HS3ST3A1: variants seen among roughly 807,000 people sequenced by gnomAD.
HS3ST3A1 encodes heparan sulfate glucosamine 3-O-sulfotransferase 3A1.
A neutral mutation model predicts 25.7 loss-of-function variants in HS3ST3A1; 19 were observed. The observed-to-expected ratio is 0.74, with a 90% CI of 0.52 to 1.08. HS3ST3A1 has a LOEUF of 1.08. Ranked by LOEUF, HS3ST3A1 falls within the 50% of genes least tolerant of loss-of-function variation. The pLI, the probability that HS3ST3A1 is intolerant of heterozygous loss-of-function variation, is 0.00. For synonymous variants in HS3ST3A1, 226 were observed against 278.6 expected (o/e 0.81, Z 1.88); for missense variants, 459 against 594.3 (o/e 0.77, Z 2.37).
chr17:13,516,654 T>C (rs1438662725), intron 1 of HS3ST3A1, among the ~76,000 whole-genome samples: 2 of 152,252 alleles, frequency 1.3e-5, no homozygotes, highest in Non-Finnish European at 2.9e-5. Context: ...GAGATCTTGA[T>C]GTTTCATTTG....
intron 1 of HS3ST3A1, among the ~76,000 whole-genome samples, chr17:13,533,445 G>A (rs1906672678): frequency 6.7e-6 from 1 of 149,508 alleles, no homozygotes; most frequent in Admixed American, 6.7e-5. Flanking sequence ...TGTTTTCAAT[G>A]AGTTCCCAGA....
chr17:13,599,793 T>C (rs1319955748), intron 1 of HS3ST3A1, among the ~76,000 whole-genome samples: 1 of 152,244 alleles, frequency 6.6e-6, no homozygotes, highest in Non-Finnish European at 1.5e-5. Flanking sequence ...CTTCTTTTAA[T>C]TGGCTACCTT....
At position 13,599,629 on chromosome 17, in the gene HS3ST3A1, C is replaced by T. The variant is rs74333966; in HGVS notation, c.599+902G>A. 3.4e-3 allele frequency among the ~76,000 whole-genome samples: 510 copies of T among 152,110 alleles called. 12 individuals carry two copies. The East Asian group carries it at 0.052, about 16-fold the overall frequency. On this transcript the variant is annotated intron_variant, in intron 1 of 1. Coordinates refer to ENST00000284110, the MANE Select transcript of HS3ST3A1 (RefSeq NM_006042.3). ...TATATTATGGCAAACAAAATCCAGGCGACACTAGCTTTATTAGAATCTGGC... is the reference window on the plus strand; with the variant it reads ...TATATTATGGCAAACAAAATCCAGGTGACACTAGCTTTATTAGAATCTGGC...
chr17:13,539,424 C>A (rs556839521), intron 1 of HS3ST3A1, among the ~76,000 whole-genome samples: 4 of 152,312 alleles, frequency 2.6e-5, no homozygotes, highest in Admixed American at 2.6e-4. Context: ...TCAACCCTAG[C>A]GTGGATGAGG....
intron 1 of HS3ST3A1, among the ~76,000 whole-genome samples, chr17:13,509,285 A>G (rs967694911): frequency 1.4e-4 from 21 of 152,202 alleles, no homozygotes; most frequent in African/African-American, 5.1e-4. Flanking sequence ...CAGATATGCA[A>G]TGGTTTAAAA....
At chr17:13,575,321 A>G in intron 1 of HS3ST3A1, among the ~76,000 whole-genome samples, 1 of 152,260 alleles carries the variant, frequency 6.6e-6, no homozygotes, top group East Asian at 1.9e-4. Context: ...TCAGAAAGAC[A>G]TGAAATTCTC....
At chr17:13,527,855 AT>A (rs1906483838) in intron 1 of HS3ST3A1, among the ~76,000 whole-genome samples, 1 of 152,232 alleles carries the variant, frequency 6.6e-6, no homozygotes, top group African/African-American at 2.4e-5. Flanking sequence ...AAAGGCTAAT[AT>A]TTAAAGTGTC....
rs71144977 is a variant in HS3ST3A1 at position 13,585,186 on chromosome 17, C to CTTTTTTTTTTTTTTTTTTTTTTTTT, written c.599+15320_599+15344dup. Among the ~76,000 whole-genome samples, 11 of 33,246 alleles carry CTTTTTTTTTTTTTTTTTTTTTTTTT rather than the reference C, an allele frequency of 3.3e-4. 1 individual carries two copies. The highest frequency in any genetic ancestry group is 1.9e-3 in the South Asian group (1 of 530). The allele number at this position is 33,246 out of a possible 152,430, so 21.8% of individuals were successfully genotyped here. A position where few individuals can be genotyped will look rare whatever the true frequency, so the allele number is the denominator to read the frequency against. ...CAATCTAAATACTCATTTTTCTGTGCTTTTTTTTTTTTTTTTTTTTTTTTT... is the reference window on the plus strand; with the variant it reads ...CAATCTAAATACTCATTTTTCTGTGCTTTTTTTTTTTTTTTTTTTTTTTTTTTTTTTTTTTTTTTTTTTTTTTTTT... On this transcript the variant is annotated intron_variant, in intron 1 of 1. Transcript: ENST00000284110.
intron 1 of HS3ST3A1, among the ~76,000 whole-genome samples, chr17:13,516,966 G>C (rs1024509434): frequency 2.6e-5 from 4 of 152,214 alleles, no homozygotes; most frequent in South Asian, 4.1e-4. Flanking sequence ...GATTACAGGC[G>C]TGAGCCACTG....
chr17:13,554,020 G>A (rs917086797), intron 1 of HS3ST3A1, among the ~76,000 whole-genome samples: 2 of 152,142 alleles, frequency 1.3e-5, no homozygotes, highest in East Asian at 3.9e-4. Context: ...TAGACACAAA[G>A]GTAAGGGAGT....
intron 1 of HS3ST3A1, among the ~76,000 whole-genome samples, chr17:13,570,502 GACAA>G (rs755773860): frequency 2.0e-5 from 3 of 152,190 alleles, no homozygotes; most frequent in East Asian, 1.9e-4. Flanking sequence ...TGTTTTTCGA[GACAA>G]ACAAACTCTG....
intron 1 of HS3ST3A1, among the ~76,000 whole-genome samples, chr17:13,519,152 T>G (rs1906144945): frequency 6.6e-6 from 1 of 152,220 alleles, no homozygotes; most frequent in Admixed American, 6.5e-5. Context: ...GAAATTGAAT[T>G]GCTGTTTTTG....
intron 1 of HS3ST3A1, among the ~76,000 whole-genome samples, chr17:13,578,393 CAA>C (rs397960321): frequency 0.25 from 23,650 of 94,768 alleles, 2,271 homozygotes; most frequent in South Asian, 0.36. Flanking sequence ...TACAAAAATA[CAA>C]AAAAAAAAAA....
chr17:13,510,934 T>C (rs909536139), intron 1 of HS3ST3A1, among the ~76,000 whole-genome samples: 5 of 152,148 alleles, frequency 3.3e-5, no homozygotes, highest in Non-Finnish European at 7.3e-5. Context: ...TCCAAAATAA[T>C]CTCTTATTAA....
At chr17:13,525,012 T>C (rs112256229) in intron 1 of HS3ST3A1, among the ~76,000 whole-genome samples, 129 of 152,314 alleles carry the variant, frequency 8.5e-4, no homozygotes, top group African/African-American at 2.9e-3. Context: ...TTACTTTGCC[T>C]GATGCTAATT....
intron 1 of HS3ST3A1, among the ~76,000 whole-genome samples, chr17:13,516,275 A>C (rs546994762): frequency 4.3e-4 from 66 of 152,222 alleles, no homozygotes; most frequent in Admixed American, 1.4e-3. Flanking sequence ...GCATCATTGG[A>C]CTCCAGCCTG....
intron 1 of HS3ST3A1, among the ~76,000 whole-genome samples, chr17:13,529,006 T>C (rs1906520271): frequency 6.6e-6 from 1 of 152,104 alleles, no homozygotes; most frequent in South Asian, 2.1e-4. Context: ...AAACACTCTA[T>C]GTATATACTC....
In HS3ST3A1 at chr17:13,494,572, C is replaced by T. The variant is rs984616905; in HGVS notation, c.*1625G>A. 1.2e-4 allele frequency among the ~76,000 whole-genome samples: 18 copies of T among 152,032 alleles called. No individual in the cohort carries two copies. The highest frequency in any genetic ancestry group is 3.9e-4 in the African/African-American group (16 of 41,378). ...AGAATATTATTTTAGAGTGTCTGGT[C>T]GTTTAAATTTTGGCAGATAAAGAAA... is the stretch of plus-strand genomic sequence containing the variant. On this transcript the variant is annotated 3_prime_UTR_variant, in exon 2 of 2. Coordinates refer to ENST00000284110, the MANE Select transcript of HS3ST3A1 (RefSeq NM_006042.3).
At chr17:13,584,185 C>T (rs1197879226) in intron 1 of HS3ST3A1, among the ~76,000 whole-genome samples, 1 of 152,088 alleles carries the variant, frequency 6.6e-6, no homozygotes, top group Non-Finnish European at 1.5e-5. Flanking sequence ...CTGATGAAAT[C>T]TTCAAGCAAG....
Sources: gnomAD v4.1 joint callset for allele counts (sites outside exome capture counted in the v4.1 genomes callset) on GRCh38, gnomAD v4.1.1 for gene constraint, MANE v1.5 for transcripts, NCBI Gene and HGNC (gene_info 2026-07-23, HGNC 2026-07-21) for gene names.